Variants in SEMA4F observed in about 807,000 individuals in gnomAD.
SEMA4F encodes the protein ssemaphorin 4F.
A neutral mutation model predicts 78.4 loss-of-function variants in SEMA4F; 51 were observed. The ratio of observed to expected loss-of-function variants is 0.65; its 90% CI spans 0.52 to 0.82. The LOEUF (loss-of-function observed/expected upper bound fraction) is 0.82. Ranked by LOEUF, SEMA4F falls within the 40% of genes least tolerant of loss-of-function variation. The probability of loss-of-function intolerance (pLI) is 0.00; values close to 1 mark genes in which losing one functional copy is unlikely to be tolerated. For synonymous variants in SEMA4F, 418 were observed against 408.7 expected (o/e 1.02, Z -0.27); for missense variants, 938 against 1,014.4 (o/e 0.92, Z 1.02).
chr2:74,689,143 T>G, the SEMA4F span, among the ~76,000 whole-genome samples: 3 of 152,164 alleles, frequency 2.0e-5, no homozygotes, highest in Admixed American at 1.3e-4. Context: ...GAGAAACAGG[T>G]TTGGGATGCC....
rs755597684 is a variant in SEMA4F, at chr2:74,673,749, ACTT to A, written c.750_752del (p.Phe251del). On this transcript the variant is annotated inframe_deletion, in exon 7 of 14. Coordinates refer to ENST00000357877, the MANE Select transcript of SEMA4F (RefSeq NM_004263.5). ...GATGAAGATGGAGACGACGAAATCT[ACTT>A]CTTCTTTACGGAGACTTCCCGAGCA... 2.3e-5 allele frequency: 37 copies of A among 1,614,110 alleles called. 1 individual carries two copies. Among genetic ancestry groups the A allele is most frequent in the Admixed American group, 5.0e-5 (3 of 60,020 alleles).
chr2:74,673,569 G>T lies in SEMA4F; in HGVS notation c.663G>T (p.Trp221Cys). The change falls in exon 6 of 14, where the codon TGG (tryptophan) becomes TGT (cysteine). Residue 221 changes from tryptophan (W) to cysteine (C), a missense_variant. Transcript: ENST00000357877. ...DWIRTDTLPS[W>C]LNAPAFVAAV... The stretch of plus-strand genomic sequence containing the variant: ...TTCGGACAGATACCTTGCCTTCCTG[G>T]CTGAACGGTGGGGAGAGGGAGAGGG... The T allele has an allele frequency of 6.2e-7, 1 of 1,614,132 alleles. No homozygotes were observed. The highest frequency in any genetic ancestry group is 2.2e-5 in the East Asian group (1 of 44,870).
intron 5 of SEMA4F, among the ~76,000 whole-genome samples, chr2:74,666,631 G>A (rs1325563786): frequency 6.6e-6 from 1 of 151,980 alleles, no homozygotes; most frequent in Non-Finnish European, 1.5e-5. Context: ...AGTTTTTCCT[G>A]GTCTGACATA....
chr2:74,694,965 A>G, the SEMA4F span, among the ~76,000 whole-genome samples: 1 of 152,230 alleles, frequency 6.6e-6, no homozygotes, highest in Non-Finnish European at 1.5e-5. Flanking sequence ...GGTTTTGGCA[A>G]TTATGAATGA....
At chr2:74,678,951 G>A (rs1042238133) in intron 12 of SEMA4F, among the ~76,000 whole-genome samples, 1 of 152,038 alleles carries the variant, frequency 6.6e-6, no homozygotes, top group Non-Finnish European at 1.5e-5. Flanking sequence ...TCTTGTGGTT[G>A]TGGAGAACCA....
chr2:74,654,392 G>C lies in SEMA4F; in HGVS notation c.16G>C (p.Ala6Pro). 2.0e-6 allele frequency: 3 copies of C among 1,519,396 alleles called. No individual in the cohort carries two copies. Among genetic ancestry groups the C allele is most frequent in the Non-Finnish European group, 2.6e-6 (3 of 1,141,858 alleles). The allele number at this position is 1,519,396 out of a possible 1,614,324, so 94.1% of individuals were successfully genotyped here. Residue 6 changes from alanine (A) to proline (P), a missense_variant, in exon 1 of 14, where the codon GCG (alanine) becomes CCG (proline). Ala to Pro is a conservative substitution (Grantham distance 27). Transcript: ENST00000357877. Reference sequence around the variant, plus strand: ...GGAGCCAAAGATGCCGGCCTCTGCTGCGCGGCCCCGCCCGGGTCCCGGGCA... The same window carrying C: ...GGAGCCAAAGATGCCGGCCTCTGCTCCGCGGCCCCGCCCGGGTCCCGGGCA... MPASA[A>P]RPRPGPGQPT...
intron 5 of SEMA4F, among the ~76,000 whole-genome samples, chr2:74,667,178 G>A (rs1684738796): frequency 6.6e-6 from 1 of 152,182 alleles, no homozygotes; most frequent in Non-Finnish European, 1.5e-5. Context: ...GATGGATGTA[G>A]CATGACTTAA....
At chr2:74,702,205 C>T in the SEMA4F span, among the ~76,000 whole-genome samples, 6 of 152,146 alleles carry the variant, frequency 3.9e-5, no homozygotes, top group Admixed American at 3.3e-4. Context: ...ATCTCTAGCC[C>T]TCTTGCTTGA....
rs769779196 is a variant in SEMA4F, at chr2:74,657,570, C to T, written c.303C>T (p.Asp101=). Residue 101 remains aspartate (D), a synonymous_variant, in exon 3 of 14, where the codon GAC becomes GAT. Coordinates refer to ENST00000357877, the MANE Select transcript of SEMA4F (RefSeq NM_004263.5). ...GATCACTTCTCCTTTCTCAGATTGA[C>T]TGGATGGTTCCTGAGGCTCACAGAC... ...PFSGERPRRI[D]WMVPEAHRQN... The T allele has an allele frequency of 6.2e-7, 1 of 1,614,098 alleles. No homozygotes were observed. The highest frequency in any genetic ancestry group is 8.5e-7 in the Non-Finnish European group (1 of 1,179,958).
At chr2:74,685,757 T>C (rs925021811), downstream of SEMA4F, among the ~76,000 whole-genome samples, 3 of 152,148 alleles carry the variant, frequency 2.0e-5, no homozygotes, top group Admixed American at 2.0e-4. Context: ...GAGTTAGATA[T>C]AGACAGTGAC....
Position 74,673,475 on chromosome 2 carries a change from C to T in SEMA4F, c.569C>T (p.Ala190Val), listed in dbSNP as rs1415773373. ...CCTGCAGGGGGGGTCCTCTATGCTG[C>T]CACTGTGAAAAACTACCTGGGGACG... ...AVMAGGVLYA[A>V]TVKNYLGTEP... is the part of the protein sequence containing the mutation. Residue 190 changes from alanine to valine, a missense_variant, in exon 6 of 14, where the codon GCC becomes GTC. By Grantham distance (64) the Ala-to-Val change is moderately conservative. Coordinates refer to ENST00000357877, the MANE Select transcript of SEMA4F (RefSeq NM_004263.5). The T allele has an allele frequency of 6.2e-7, 1 of 1,613,992 alleles. No homozygotes were observed. The highest frequency in any genetic ancestry group is 1.3e-5 in the African/African-American group (1 of 74,894).
chr2:74,675,501 T>G (rs1264237895), intron 10 of SEMA4F, 24 bp from the exon 11 acceptor site: 1 of 1,608,248 alleles, frequency 6.2e-7, no homozygotes, highest in East Asian at 2.2e-5. Flanking sequence ...ATGTAATTAT[T>G]CTTGTTCCTT....
At chr2:74,677,553 TC>T (rs1249704100) in intron 12 of SEMA4F, among the ~76,000 whole-genome samples, 1 of 152,256 alleles carries the variant, frequency 6.6e-6, no homozygotes, top group East Asian at 1.9e-4. Context: ...TATGTCAGTA[TC>T]CAAATAATGC....
chr2:74,656,861 G>A (rs774316974), intron 2 of SEMA4F, among the ~76,000 whole-genome samples, 176 bp downstream of exon 2: 3 of 152,130 alleles, frequency 2.0e-5, no homozygotes, highest in Non-Finnish European at 2.9e-5. Context: ...TTAGCTAAGA[G>A]TATGGCGGGT....
At chr2:74,691,146 A>G in the SEMA4F span, among the ~76,000 whole-genome samples, 5 of 152,206 alleles carry the variant, frequency 3.3e-5, no homozygotes, top group East Asian at 9.6e-4. Flanking sequence ...CTAATTCAAG[A>G]AACAAGGATA....
chr2:74,698,422 A>G, the SEMA4F span, among the ~76,000 whole-genome samples: 1 of 152,204 alleles, frequency 6.6e-6, no homozygotes, highest in Admixed American at 6.5e-5. Flanking sequence ...ATAGATGTTC[A>G]TGGAGCTGGC....
the SEMA4F span, among the ~76,000 whole-genome samples, chr2:74,693,667 G>A: frequency 1.3e-5 from 2 of 152,232 alleles, no homozygotes; most frequent in Admixed American, 6.5e-5. Context: ...TGCAGATCGG[G>A]AAGGTGAAGT....
At chr2:74,670,659 G>C (rs1558727739) in intron 5 of SEMA4F, among the ~76,000 whole-genome samples, 1 of 152,186 alleles carries the variant, frequency 6.6e-6, no homozygotes, top group Non-Finnish European at 1.5e-5. Flanking sequence ...CTATTCTTAG[G>C]GTATCCATGA....
At chr2:74,704,004 G>A in the SEMA4F span, among the ~76,000 whole-genome samples, 5 of 152,086 alleles carry the variant, frequency 3.3e-5, no homozygotes, top group Non-Finnish European at 7.3e-5. Flanking sequence ...TGAGTTCCTA[G>A]TACCCATTTT....
Sources: allele counts gnomAD v4.1 joint callset (sites outside exome capture counted in the v4.1 genomes callset), GRCh38; gene constraint gnomAD v4.1.1; transcripts MANE v1.5; gene names NCBI Gene and HGNC (gene_info 2026-07-23, HGNC 2026-07-21).